Variants in UBE2H observed in about 807,000 individuals in gnomAD.
UBE2H encodes the protein ubiquitin conjugating enzyme E2 H.
UBE2H carries 3 observed loss-of-function variants against 29.0 expected under a neutral mutation model. The observed-to-expected ratio is 0.10, with a 90% confidence interval of 0.05 to 0.27. The LOEUF (loss-of-function observed/expected upper bound fraction) is 0.27. Ranked by LOEUF, UBE2H falls within the 10% of genes least tolerant of loss-of-function variation. UBE2H has a pLI of 1.00. For synonymous variants in UBE2H, 69 were observed against 82.9 expected (o/e 0.83, Z 0.91); for missense variants, 68 against 228.2 (o/e 0.30, Z 4.52).
chr7:129,949,282 CTAAA>C (rs1424323265), intron 1 of UBE2H, among the ~76,000 whole-genome samples: 1 of 152,226 alleles, frequency 6.6e-6, no homozygotes, highest in African/African-American at 2.4e-5. Flanking sequence ...CTCAGACAAT[CTAAA>C]TAATCAGCTG....
chr7:129,875,935 G>A (rs1405447203), intron 3 of UBE2H, among the ~76,000 whole-genome samples: 1 of 152,186 alleles, frequency 6.6e-6, no homozygotes, highest in Non-Finnish European at 1.5e-5. Flanking sequence ...TATCTCTAAA[G>A]TCCTCATGCA....
intron 1 of UBE2H, among the ~76,000 whole-genome samples, chr7:129,920,584 T>C (rs12533464): frequency 6.6e-6 from 1 of 151,948 alleles, no homozygotes; most frequent in African/African-American, 2.4e-5. Context: ...AAATACTACA[T>C]ACATACATAT....
chr7:129,944,231 C>T lies in UBE2H; in HGVS notation c.53+8272G>A, dbSNP rs1057050531. 1.6e-4 allele frequency among the ~76,000 whole-genome samples: 25 copies of T among 152,092 alleles called. 1 individual carries two copies. Among genetic ancestry groups the T allele is most frequent in the Admixed American group, 1.3e-3 (20 of 15,254 alleles). On this transcript the variant is annotated intron_variant, in intron 1 of 6. Coordinates refer to ENST00000355621, the MANE Select transcript of UBE2H (RefSeq NM_003344.4). Reference sequence around the variant, plus strand: ...ATTAGCCAGGCTTGGTGGCGGGTGCCTGTAGTTCCAGCTACTCAGGAGGCC... The same window carrying T: ...ATTAGCCAGGCTTGGTGGCGGGTGCTTGTAGTTCCAGCTACTCAGGAGGCC...
intron 3 of UBE2H, among the ~76,000 whole-genome samples, chr7:129,875,620 T>C (rs536038334): frequency 6.6e-6 from 1 of 152,360 alleles, no homozygotes; most frequent in South Asian, 2.1e-4. Context: ...AATCATATAC[T>C]GTACTTTCGT....
rs181654937 is a variant in UBE2H at position 129,874,025 on chromosome 7, A to G, written c.205+5543T>C. On this transcript the variant is annotated intron_variant, in intron 3 of 6. Transcript: ENST00000355621. ...ATAACACAGTTTTCTAATTTTTAAG[A>G]AGTATAAATGATGACAGGGTTCCTA... Among the ~76,000 whole-genome samples the G allele has an allele frequency of 2.8e-3, 432 of 152,314 alleles. 3 individuals carry two copies. Among genetic ancestry groups the G allele is most frequent in the Non-Finnish European group, 3.9e-3 (263 of 68,028 alleles).
chr7:129,936,450 C>T (rs1330996153), intron 1 of UBE2H, among the ~76,000 whole-genome samples: 6 of 151,470 alleles, frequency 4.0e-5, no homozygotes, highest in Admixed American at 6.6e-5. Context: ...AAAAATTAGC[C>T]GGGCGTAGTG....
chr7:129,865,707 T>C (rs932607958), intron 3 of UBE2H, among the ~76,000 whole-genome samples: 4 of 152,248 alleles, frequency 2.6e-5, no homozygotes, highest in African/African-American at 9.6e-5. Flanking sequence ...AGTGAATACA[T>C]TAAGTCATTC....
At position 129,952,565 on chromosome 7, in the gene UBE2H, G is replaced by T; in HGVS notation, c.-10C>A. 1 of 1,609,788 alleles carries T rather than the reference G, an allele frequency of 6.2e-7. No homozygotes were observed. On this transcript the variant is annotated 5_prime_UTR_variant, in exon 1 of 7. Coordinates refer to ENST00000355621, the MANE Select transcript of UBE2H (RefSeq NM_003344.4). The stretch of plus-strand genomic sequence containing the variant: ...GACTGGGAGATGACATGGTGTCGCC[G>T]CCGCCTCTCTCCCTTCCTCGGCCCG...
intron 1 of UBE2H, among the ~76,000 whole-genome samples, chr7:129,910,432 C>G (rs1806909588): frequency 6.6e-6 from 1 of 152,074 alleles, no homozygotes; most frequent in Admixed American, 6.5e-5. Context: ...GAGAGGCATA[C>G]AGCACAGCAT....
At chr7:129,873,671 C>T (rs1041506365) in intron 3 of UBE2H, among the ~76,000 whole-genome samples, 1 of 151,922 alleles carries the variant, frequency 6.6e-6, no homozygotes, top group African/African-American at 2.4e-5. Flanking sequence ...CCCCTTGTCT[C>T]CAGTGATGTG....
At chr7:129,914,319 C>T (rs1334471091) in intron 1 of UBE2H, among the ~76,000 whole-genome samples, 1 of 152,100 alleles carries the variant, frequency 6.6e-6, no homozygotes, top group Non-Finnish European at 1.5e-5. Flanking sequence ...AGGAGCGCCC[C>T]ACCATGCCTG....
chr7:129,931,405 A>C (rs910799602), intron 1 of UBE2H, among the ~76,000 whole-genome samples: 1 of 152,006 alleles, frequency 6.6e-6, no homozygotes, highest in African/African-American at 2.4e-5. Context: ...GAAAAAAAAA[A>C]CCTGAAGACC....
In UBE2H at chr7:129,910,276, C is replaced by T. The variant is rs1479325885; in HGVS notation, c.54-29305G>A. 4.0e-5 allele frequency among the ~76,000 whole-genome samples: 6 copies of T among 151,194 alleles called. No homozygotes were observed. The East Asian group carries it at 5.9e-4, about 15-fold the overall frequency. On this transcript the variant is annotated intron_variant, in intron 1 of 6. Coordinates refer to ENST00000355621, the MANE Select transcript of UBE2H (RefSeq NM_003344.4). ...CCCTGGAGGTGAAGGTTACAGTGAA[C>T]GGAGATTGCACCACTGCACTCCAGC...
chr7:129,921,707 A>AG (rs2116471844), intron 1 of UBE2H, among the ~76,000 whole-genome samples: 1 of 151,842 alleles, frequency 6.6e-6, no homozygotes, highest in East Asian at 1.9e-4. Flanking sequence ...AAAAAAAAAA[A>AG]AAAAAAAAGC....
chr7:129,854,895 ACCT>A (rs1805677067), intron 5 of UBE2H, among the ~76,000 whole-genome samples: 1 of 152,188 alleles, frequency 6.6e-6, no homozygotes, highest in African/African-American at 2.4e-5. Context: ...ACACGGATCA[ACCT>A]TGAAAACATT....
intron 1 of UBE2H, among the ~76,000 whole-genome samples, chr7:129,914,106 A>C (rs1164774484): frequency 6.6e-6 from 1 of 152,026 alleles, no homozygotes; most frequent in Admixed American, 6.5e-5. Context: ...TCAGAACCAC[A>C]ACCAGGTGCA....
chr7:129,908,044 A>G (rs748363957), intron 1 of UBE2H, among the ~76,000 whole-genome samples: 5 of 152,170 alleles, frequency 3.3e-5, no homozygotes, highest in Admixed American at 6.5e-5. Context: ...CCCCCTCCCC[A>G]GGGTGGTTGT....
At chr7:129,892,395 G>A (rs1806514163) in intron 1 of UBE2H, among the ~76,000 whole-genome samples, 1 of 151,888 alleles carries the variant, frequency 6.6e-6, no homozygotes, top group Admixed American at 6.6e-5. Flanking sequence ...GGGATTACAG[G>A]TGCACACCAC....
rs564456703 is a variant in UBE2H, at chr7:129,861,151, G to A, written c.206-2210C>T. ...GAGGTAGAGAATCACTTGAACCCAGGAGGCGGAGCTTGCAGTGAGCCAAGA... is the reference window on the plus strand; with the variant it reads ...GAGGTAGAGAATCACTTGAACCCAGAAGGCGGAGCTTGCAGTGAGCCAAGA... On this transcript the variant is annotated intron_variant, in intron 3 of 6. Transcript: ENST00000355621. Among the ~76,000 whole-genome samples the A allele has an allele frequency of 2.1e-3, 326 of 152,116 alleles. 3 individuals carry two copies. Among genetic ancestry groups the A allele is most frequent in the Non-Finnish European group, 3.6e-3 (244 of 67,998 alleles).
Sources: gnomAD v4.1 joint callset for allele counts (sites outside exome capture counted in the v4.1 genomes callset) on GRCh38, gnomAD v4.1.1 for gene constraint, MANE v1.5 for transcripts, NCBI Gene and HGNC (gene_info 2026-07-23, HGNC 2026-07-21) for gene names.